Variants in KIAA0825 observed in about 807,000 individuals in gnomAD.
The protein encoded by KIAA0825 is KIAA0825, also known as uncharacterized protein KIAA0825.
Under a neutral mutation model 147.6 loss-of-function variants are expected in KIAA0825, and 119 were observed. The ratio of observed to expected loss-of-function variants is 0.81; its 90% CI spans 0.69 to 0.94. The LOEUF is 0.94. Ranked by LOEUF, KIAA0825 falls within the 40% of genes least tolerant of loss-of-function variation. The pLI is 0.00. For missense variants in KIAA0825, 1,381 were observed against 1,472.7 expected (o/e 0.94, Z 1.02); for synonymous variants, 470 against 518.1 (o/e 0.91, Z 1.26).
At chr5:94,334,295 G>A (rs1781577221) in intron 20 of KIAA0825, among the ~76,000 whole-genome samples, 1 of 152,220 alleles carries the variant, frequency 6.6e-6, no homozygotes, top group African/African-American at 2.4e-5. Context: ...CATAAATAGT[G>A]TAAAGGAAAA....
chr5:94,431,976 A>G (rs554078884), intron 14 of KIAA0825, among the ~76,000 whole-genome samples: 4 of 152,326 alleles, frequency 2.6e-5, no homozygotes, highest in Admixed American at 6.5e-5. Flanking sequence ...TTGGGTAGCC[A>G]CTATCAGTTT....
chr5:94,462,813 G>A (rs1359955863), intron 11 of KIAA0825, among the ~76,000 whole-genome samples: 3 of 151,750 alleles, frequency 2.0e-5, no homozygotes, highest in Non-Finnish European at 2.9e-5. Flanking sequence ...AGTTTTAGGA[G>A]TGCTTTTAAA....
chr5:94,539,404 AG>A, intron 2 of KIAA0825, among the ~76,000 whole-genome samples: 1 of 152,298 alleles, frequency 6.6e-6, no homozygotes, highest in Non-Finnish European at 1.5e-5. Context: ...ACAAGATCCA[AG>A]AACCCTCTGT....
At chr5:94,537,475 C>A (rs1686139539) in intron 2 of KIAA0825, among the ~76,000 whole-genome samples, 1 of 151,772 alleles carries the variant, frequency 6.6e-6, no homozygotes, top group Admixed American at 6.6e-5. Flanking sequence ...CATGATGAAA[C>A]CCGGTCTCTA....
At chr5:94,169,056 TA>T (rs1338303207) in intron 20 of KIAA0825, among the ~76,000 whole-genome samples, 2 of 152,202 alleles carry the variant, frequency 1.3e-5, no homozygotes, top group South Asian at 2.1e-4. Flanking sequence ...CTAGCCTGTG[TA>T]AAGACAAAAC....
At chr5:94,255,017 T>G (rs1776170741) in intron 20 of KIAA0825, among the ~76,000 whole-genome samples, 1 of 151,980 alleles carries the variant, frequency 6.6e-6, no homozygotes, top group African/African-American at 2.4e-5. Flanking sequence ...CATGTATCAC[T>G]TAGTCTGTGC....
intron 1 of KIAA0825, among the ~76,000 whole-genome samples, chr5:94,607,610 A>AAAAC (rs746072286): frequency 3.5e-4 from 54 of 152,240 alleles, no homozygotes; most frequent in East Asian, 1.9e-3. Context: ...GTCCGTCTCC[A>AAAAC]AAACAAACAA....
chr5:94,164,227 A>T (rs1437474641), intron 20 of KIAA0825, among the ~76,000 whole-genome samples: 2 of 152,194 alleles, frequency 1.3e-5, no homozygotes, highest in African/African-American at 4.8e-5. Context: ...GGAACCACAA[A>T]AGAGCCAAAA....
At chr5:94,237,946 A>C (rs1775144509) in intron 20 of KIAA0825, among the ~76,000 whole-genome samples, 1 of 152,178 alleles carries the variant, frequency 6.6e-6, no homozygotes, top group Non-Finnish European at 1.5e-5. Flanking sequence ...TCAATATCTA[A>C]CAGAGCTCAT....
chr5:94,500,969 T>G (rs951924772), intron 5 of KIAA0825, among the ~76,000 whole-genome samples: 5 of 151,938 alleles, frequency 3.3e-5, no homozygotes. Context: ...AGTAGAGACA[T>G]GGTTTCACTA....
intron 20 of KIAA0825, among the ~76,000 whole-genome samples, chr5:94,167,287 A>G (rs1315168382): frequency 6.6e-6 from 1 of 152,164 alleles, no homozygotes. Flanking sequence ...AGAAATCAAC[A>G]TTGTTCTTTT....
intron 14 of KIAA0825, among the ~76,000 whole-genome samples, chr5:94,426,108 C>T (rs1298385858): frequency 1.3e-5 from 2 of 151,084 alleles, no homozygotes; most frequent in African/African-American, 2.4e-5. Context: ...TGGTCTCAAG[C>T]GATCCTCCCG....
chr5:94,587,050 A>T (rs1783440250), intron 1 of KIAA0825, among the ~76,000 whole-genome samples: 1 of 152,228 alleles, frequency 6.6e-6, no homozygotes, highest in South Asian at 2.1e-4. Flanking sequence ...TCTCAAAATA[A>T]TAAGAGCTAT....
intron 14 of KIAA0825, among the ~76,000 whole-genome samples, chr5:94,435,265 T>C (rs1756199018): frequency 6.6e-6 from 1 of 151,122 alleles, no homozygotes; most frequent in Admixed American, 6.6e-5. Context: ...TAGCTATTTT[T>C]CCTGATCCTC....
At chr5:94,583,365 G>A (rs1364269018) in intron 1 of KIAA0825, among the ~76,000 whole-genome samples, 3 of 152,176 alleles carry the variant, frequency 2.0e-5, no homozygotes, top group African/African-American at 7.2e-5. Flanking sequence ...CTTGTGTCTG[G>A]CTTGGTGGGC....
chr5:94,535,526 A>G (rs1168718860), intron 3 of KIAA0825, among the ~76,000 whole-genome samples: 3 of 147,598 alleles, frequency 2.0e-5, no homozygotes, highest in African/African-American at 2.5e-5. Context: ...AAAAGCTTGT[A>G]ATCATAAGTA....
chr5:94,198,700 C>G (rs2150016982), intron 20 of KIAA0825, among the ~76,000 whole-genome samples: 1 of 152,230 alleles, frequency 6.6e-6, no homozygotes, highest in East Asian at 1.9e-4. Flanking sequence ...AACCATGGCA[C>G]ATGTACACCT....
chr5:94,505,805 G>T (rs905643598), intron 5 of KIAA0825, among the ~76,000 whole-genome samples: 1 of 152,040 alleles, frequency 6.6e-6, no homozygotes, highest in African/African-American at 2.4e-5. Context: ...TTTTTTACAA[G>T]ATTTCAAAAC....
intron 20 of KIAA0825, among the ~76,000 whole-genome samples, chr5:94,201,772 A>G (rs1269808105): frequency 1.3e-5 from 2 of 152,214 alleles, no homozygotes; most frequent in East Asian, 1.9e-4. Context: ...TGATCGGTAT[A>G]GGGACCACTT....
Sources: gnomAD v4.1 joint callset for allele counts (sites outside exome capture counted in the v4.1 genomes callset) on GRCh38, gnomAD v4.1.1 for gene constraint, MANE v1.5 for transcripts, NCBI Gene and HGNC (gene_info 2026-07-23, HGNC 2026-07-21) for gene names.